Variants in LHPP observed in about 807,000 individuals in gnomAD.
LHPP encodes phospholysine phosphohistidine inorganic pyrophosphate phosphatase.
A neutral mutation model predicts 30.3 loss-of-function variants in LHPP; 24 were observed. That is an observed-to-expected ratio of 0.79 (90% CI 0.57 to 1.11). LHPP has a LOEUF of 1.11. Among genes scored for constraint, LHPP ranks in the 50% most tolerant of loss-of-function variants. The pLI is 0.00. For missense variants in LHPP, 356 were observed against 367.2 expected (o/e 0.97, Z 0.25); for synonymous variants, 150 against 157.1 (o/e 0.95, Z 0.34).
intron 6 of LHPP, among the ~76,000 whole-genome samples, chr10:124,527,154 G>C (rs1486912869): frequency 1.3e-5 from 2 of 152,238 alleles, no homozygotes; most frequent in Non-Finnish European, 2.9e-5. Context: ...CTGCGGCTCG[G>C]GGACACGGCC....
intron 5 of LHPP, among the ~76,000 whole-genome samples, chr10:124,512,604 G>A (rs529278353): frequency 4.1e-5 from 6 of 146,856 alleles, no homozygotes; most frequent in South Asian, 2.2e-4. Flanking sequence ...GTGACAGAGC[G>A]GGACTCCGTC....
At chr10:124,532,019 T>G (rs1954912453) in intron 6 of LHPP, among the ~76,000 whole-genome samples, 1 of 152,218 alleles carries the variant, frequency 6.6e-6, no homozygotes, top group African/African-American at 2.4e-5. Context: ...GCTTCCTATG[T>G]AATTCAGTGG....
chr10:124,540,147 G>T (rs1955145952), intron 6 of LHPP, among the ~76,000 whole-genome samples: 1 of 152,138 alleles, frequency 6.6e-6, no homozygotes. Flanking sequence ...TTCATGCAGC[G>T]CCGTGCTGTT....
chr10:124,580,177 A>G (rs1002320213), intron 6 of LHPP, among the ~76,000 whole-genome samples: 1 of 152,200 alleles, frequency 6.6e-6, no homozygotes, highest in African/African-American at 2.4e-5. Context: ...TGTCAGTTAT[A>G]TGTGGTGCAC....
At chr10:124,575,995 G>C (rs1314055962) in intron 6 of LHPP, among the ~76,000 whole-genome samples, 2 of 152,206 alleles carry the variant, frequency 1.3e-5, no homozygotes, top group Non-Finnish European at 2.9e-5. Context: ...CTTGGGGCCT[G>C]CTGTGATACA....
intron 1 of LHPP, among the ~76,000 whole-genome samples, chr10:124,474,047 C>A (rs146191677): frequency 0.017 from 2,610 of 150,640 alleles, 29 homozygotes; most frequent in Middle Eastern, 0.028. Flanking sequence ...TAAAAGCCAA[C>A]GTTTTACTTA....
intron 3 of LHPP, among the ~76,000 whole-genome samples, chr10:124,489,388 TG>T (rs1289921934): frequency 6.6e-6 from 1 of 152,210 alleles, no homozygotes; most frequent in Non-Finnish European, 1.5e-5. Flanking sequence ...ACAATATTTG[TG>T]ACTGACTTAG....
At chr10:124,508,444 A>G (rs1954217390) in intron 5 of LHPP, among the ~76,000 whole-genome samples, 2 of 152,134 alleles carry the variant, frequency 1.3e-5, no homozygotes, top group South Asian at 4.1e-4. Flanking sequence ...GGCACCTGGC[A>G]CCTAGCCCTG....
chr10:124,487,912 T>G (rs191216195), intron 2 of LHPP, among the ~76,000 whole-genome samples: 70 of 152,328 alleles, frequency 4.6e-4, no homozygotes, highest in African/African-American at 1.5e-3. Flanking sequence ...GGAAGAGAGT[T>G]TCCTAAGGGA....
At chr10:124,604,466 C>G (rs2134015057) in intron 6 of LHPP, among the ~76,000 whole-genome samples, 1 of 152,322 alleles carries the variant, frequency 6.6e-6, no homozygotes, top group East Asian at 1.9e-4. Flanking sequence ...CGGTGCAGAC[C>G]ATCTGATAAG....
At chr10:124,600,812 C>G (rs184983176) in intron 6 of LHPP, among the ~76,000 whole-genome samples, 1 of 152,360 alleles carries the variant, frequency 6.6e-6, no homozygotes, top group Non-Finnish European at 1.5e-5. Context: ...CGATAACCCA[C>G]AGTCCCCAGT....
At chr10:124,508,552 G>A (rs1954220224) in intron 5 of LHPP, among the ~76,000 whole-genome samples, 2 of 151,096 alleles carry the variant, frequency 1.3e-5, no homozygotes, top group Non-Finnish European at 2.9e-5. Flanking sequence ...GAGACCTCAT[G>A]GCTTAGTTTT....
In LHPP at chr10:124,471,546, T is replaced by A. The variant is rs1481732779; in HGVS notation, c.125+9559T>A. On this transcript the variant is annotated intron_variant, in intron 1 of 6. Transcript: ENST00000368842. ...ATATTTATATATATTTATATATATTTTATATATATTTATATATATATAAAT... is the reference window on the plus strand; with the variant it reads ...ATATTTATATATATTTATATATATTATATATATATTTATATATATATAAAT... Among the ~76,000 whole-genome samples the A allele has an allele frequency of 6.1e-5, 3 of 49,176 alleles. No homozygotes were observed. The East Asian group carries it at 1.4e-3, about 23-fold the overall frequency. The allele number at this position is 49,176 out of a possible 152,430, so 32.3% of individuals were successfully genotyped here.
chr10:124,463,933 C>T (rs1021251856), intron 1 of LHPP, among the ~76,000 whole-genome samples: 7 of 151,690 alleles, frequency 4.6e-5, no homozygotes. Context: ...CCTCCCACCT[C>T]AGCCTCCCAA....
chr10:124,521,867 G>A (rs540521591), intron 6 of LHPP, among the ~76,000 whole-genome samples: 19 of 151,232 alleles, frequency 1.3e-4, no homozygotes, highest in Middle Eastern at 3.4e-3. Flanking sequence ...GCACTTACAC[G>A]TACACACACA....
chr10:124,567,525 G>A (rs1487226010), intron 6 of LHPP, among the ~76,000 whole-genome samples: 1 of 152,218 alleles, frequency 6.6e-6, no homozygotes, highest in African/African-American at 2.4e-5. Context: ...GATAGTAACT[G>A]GTGTTATGAC....
intron 6 of LHPP, among the ~76,000 whole-genome samples, chr10:124,572,647 T>TAAGAAAGGA (rs60941329): frequency 0.36 from 52,736 of 146,032 alleles, 9,624 homozygotes; most frequent in East Asian, 0.43. Context: ...AGAAAGAAAG[T>TAAGAAAGGA]AAGAAAGGAA....
chr10:124,477,394 ACACC>A (rs1424361271), intron 1 of LHPP, among the ~76,000 whole-genome samples: 3 of 152,134 alleles, frequency 2.0e-5, no homozygotes, highest in African/African-American at 4.8e-5. Flanking sequence ...ACCCTCCAGC[ACACC>A]AGGTGATGTC....
intron 6 of LHPP, among the ~76,000 whole-genome samples, chr10:124,539,549 C>T (rs865993639): frequency 6.6e-6 from 1 of 152,070 alleles, no homozygotes; most frequent in South Asian, 2.1e-4. Context: ...TCACTTGAGG[C>T]CAGAAGCTCG....
Sources: allele counts gnomAD v4.1 joint callset (sites outside exome capture counted in the v4.1 genomes callset), GRCh38; gene constraint gnomAD v4.1.1; transcripts MANE v1.5; gene names NCBI Gene and HGNC (gene_info 2026-07-23, HGNC 2026-07-21).